Variants in TMCO5A observed in about 807,000 individuals in gnomAD.
The protein encoded by TMCO5A is transmembrane and coiled-coil domains 5A.
A neutral mutation model predicts 42.3 loss-of-function variants in TMCO5A; 34 were observed. The observed-to-expected ratio is 0.80, with a 90% confidence interval of 0.61 to 1.07. TMCO5A has a LOEUF of 1.07. Ranked by LOEUF, TMCO5A falls within the 50% of genes least tolerant of loss-of-function variation. The pLI, the probability that TMCO5A is intolerant of heterozygous loss-of-function variation, is 0.00. For synonymous variants in TMCO5A, 131 were observed against 115.6 expected (o/e 1.13, Z -0.86); for missense variants, 357 against 327.9 (o/e 1.09, Z -0.69).
At chr15:38,009,776 C>T in the TMCO5A span, among the ~76,000 whole-genome samples, 3 of 152,240 alleles carry the variant, frequency 2.0e-5, no homozygotes, top group South Asian at 6.2e-4. Flanking sequence ...TCTGAGACTC[C>T]ATTTCTGTAT....
At chr15:37,938,550 T>C (rs1413678130) in intron 6 of TMCO5A, among the ~76,000 whole-genome samples, 1 of 152,122 alleles carries the variant, frequency 6.6e-6, no homozygotes, top group East Asian at 1.9e-4. Context: ...AATTACTGCC[T>C]CTCAGCCTCA....
At chr15:37,950,354 C>T (rs1374548104) in intron 11 of TMCO5A, among the ~76,000 whole-genome samples, 1 of 152,054 alleles carries the variant, frequency 6.6e-6, no homozygotes, top group Non-Finnish European at 1.5e-5. Flanking sequence ...AAAAGATGGA[C>T]AAACTAGACC....
At chr15:37,949,880 AG>A (rs1890099064) in intron 11 of TMCO5A, among the ~76,000 whole-genome samples, 1 of 152,176 alleles carries the variant, frequency 6.6e-6, no homozygotes, top group Non-Finnish European at 1.5e-5. Flanking sequence ...AGTTGCAGTT[AG>A]GATGTTGACC....
the TMCO5A span, among the ~76,000 whole-genome samples, chr15:37,997,833 G>A: frequency 2.6e-5 from 4 of 152,110 alleles, no homozygotes; most frequent in Non-Finnish European, 5.9e-5. Context: ...CACCAACAGT[G>A]TACCATGGTT....
At chr15:37,955,984 C>T (rs904482990), downstream of TMCO5A, among the ~76,000 whole-genome samples, 3 of 152,136 alleles carry the variant, frequency 2.0e-5, no homozygotes, top group Non-Finnish European at 2.9e-5. Flanking sequence ...ACAACCTGCT[C>T]CTGAATGACT....
chr15:37,956,894 G>A (rs1328367997), intron 11 of TMCO5A, among the ~76,000 whole-genome samples: 3 of 152,146 alleles, frequency 2.0e-5, no homozygotes, highest in Non-Finnish European at 4.4e-5. Flanking sequence ...TGTCCACTAC[G>A]ATCAAGTTGG....
chr15:37,980,335 C>G, the TMCO5A span, among the ~76,000 whole-genome samples: 1 of 152,190 alleles, frequency 6.6e-6, no homozygotes, highest in Non-Finnish European at 1.5e-5. Context: ...GGTCTAAGAT[C>G]CTCAGGAAGC....
chr15:37,995,241 A>AT, the TMCO5A span, among the ~76,000 whole-genome samples: 70 of 152,254 alleles, frequency 4.6e-4, no homozygotes, highest in East Asian at 0.013. Flanking sequence ...TAAAAAAAAA[A>AT]TCTTTCTCCT....
the TMCO5A span, among the ~76,000 whole-genome samples, chr15:37,978,934 G>A: frequency 6.6e-6 from 1 of 151,686 alleles, no homozygotes. Context: ...GGACCAAGGT[G>A]GGTCGAGGGG....
At chr15:37,940,209 G>A (rs1354573189) in intron 6 of TMCO5A, among the ~76,000 whole-genome samples, 1 of 152,058 alleles carries the variant, frequency 6.6e-6, no homozygotes, top group Non-Finnish European at 1.5e-5. Context: ...AGCCTCTCCT[G>A]CCTTCTCACT....
At chr15:37,941,319 T>A in intron 7 of TMCO5A, 114 bp downstream of exon 7, 1 of 1,068,168 alleles carries the variant, frequency 9.4e-7, no homozygotes, top group Non-Finnish European at 1.4e-6. Flanking sequence ...TCCAAGACCA[T>A]GATGGGGCTA....
intron 6 of TMCO5A, among the ~76,000 whole-genome samples, chr15:37,939,906 G>T (rs2140262184): frequency 6.6e-6 from 1 of 152,060 alleles, no homozygotes; most frequent in African/African-American, 2.4e-5. Context: ...AGAAGAATCT[G>T]GATGTGAAAT....
At chr15:37,954,145 A>T (rs1194121580), downstream of TMCO5A, among the ~76,000 whole-genome samples, 1 of 152,180 alleles carries the variant, frequency 6.6e-6, no homozygotes, top group Non-Finnish European at 1.5e-5. Flanking sequence ...TAGAAAGTTT[A>T]TTCAAAGGAA....
the TMCO5A span, among the ~76,000 whole-genome samples, chr15:38,010,834 C>A: frequency 3.9e-4 from 59 of 152,270 alleles, 2 homozygotes; most frequent in Admixed American, 3.5e-3. Context: ...CTCACTGCAA[C>A]CTCCGTCTCC....
In TMCO5A at chr15:37,941,174, C is replaced by T. The variant is rs760211669; in HGVS notation, c.413C>T (p.Ser138Phe). 2.5e-6 allele frequency: 4 copies of T among 1,613,162 alleles called. No individual in the cohort carries two copies. Among genetic ancestry groups the T allele is most frequent in the East Asian group, 4.5e-5 (2 of 44,776 alleles). The part of the protein sequence containing the change: ...TKVKLQQLEA[S>F]YACQEKELLK... ...GTTAAGTTACAACAGCTGGAAGCTT[C>T]CTATGCATGCCAAGAGAAGGAGCTG... The change falls in exon 7 of 12, where the codon TCC becomes TTC. Residue 138 changes from serine (S) to phenylalanine (F), a missense_variant. Physicochemically the swap from Ser to Phe is radical, Grantham distance 155 (BLOSUM62 -2). Coordinates refer to ENST00000319669, the MANE Select transcript of TMCO5A (RefSeq NM_152453.4).
the TMCO5A span, among the ~76,000 whole-genome samples, chr15:37,980,794 C>T: frequency 6.6e-6 from 1 of 152,100 alleles, no homozygotes; most frequent in East Asian, 1.9e-4. Flanking sequence ...GTGGTAGGCT[C>T]CCATTTACCA....
the TMCO5A span, among the ~76,000 whole-genome samples, chr15:37,977,062 G>A: frequency 1.5e-4 from 23 of 152,012 alleles, no homozygotes; most frequent in Non-Finnish European, 2.4e-4. Context: ...ATGAGCCACC[G>A]CATCCAGCCT....
chr15:37,996,335 C>T, the TMCO5A span, among the ~76,000 whole-genome samples: 21 of 152,280 alleles, frequency 1.4e-4, no homozygotes, highest in South Asian at 3.7e-3. Context: ...AAGATGGGAG[C>T]ACCAGACATT....
chr15:37,945,315 T>C (rs895738470), intron 10 of TMCO5A, among the ~76,000 whole-genome samples: 1 of 152,190 alleles, frequency 6.6e-6, no homozygotes, highest in Non-Finnish European at 1.5e-5. Context: ...TTTGCTATTG[T>C]GAACAGTGCT....
Sources: gnomAD v4.1 joint callset for allele counts (sites outside exome capture counted in the v4.1 genomes callset) on GRCh38, gnomAD v4.1.1 for gene constraint, MANE v1.5 for transcripts, NCBI Gene and HGNC (gene_info 2026-07-23, HGNC 2026-07-21) for gene names.